PDZD2: variants seen among roughly 807,000 people sequenced by gnomAD.
PDZD2 encodes the protein PDZ domain-containing protein 2.
A neutral mutation model predicts 220.7 loss-of-function variants in PDZD2; 90 were observed. That is an observed-to-expected ratio of 0.41 (90% CI 0.34 to 0.49). PDZD2 has a LOEUF of 0.49. Ranked by LOEUF, PDZD2 falls within the 20% of genes least tolerant of loss-of-function variation. The pLI is 0.28. For missense variants in PDZD2, 3,174 were observed against 3,608.5 expected (o/e 0.88, Z 3.08); for synonymous variants, 1,375 against 1,450.5 (o/e 0.95, Z 1.18).
At chr5:31,967,379 C>T (rs552444558) in intron 2 of PDZD2, among the ~76,000 whole-genome samples, 5 of 152,264 alleles carry the variant, frequency 3.3e-5, no homozygotes, top group South Asian at 2.1e-4. Context: ...CTGCACTATG[C>T]GGGCTTGAGG....
intron 2 of PDZD2, among the ~76,000 whole-genome samples, chr5:31,811,046 C>A (rs932600805): frequency 6.6e-6 from 1 of 152,076 alleles, no homozygotes; most frequent in Admixed American, 6.6e-5. Flanking sequence ...CACAATGGCA[C>A]GATCTTGGTT....
At chr5:32,019,638 C>G (rs550154402) in intron 6 of PDZD2, among the ~76,000 whole-genome samples, 5 of 152,050 alleles carry the variant, frequency 3.3e-5, no homozygotes, top group Non-Finnish European at 7.3e-5. Context: ...GCTTCTCAGC[C>G]TAGAAAGACT....
At chr5:32,025,750 TC>T (rs1334511228) in intron 6 of PDZD2, among the ~76,000 whole-genome samples, 1 of 151,014 alleles carries the variant, frequency 6.6e-6, no homozygotes. Context: ...ACAGGTGCCC[TC>T]CACAATGCCC....
At chr5:31,835,213 G>A (rs569916907) in intron 2 of PDZD2, among the ~76,000 whole-genome samples, 4 of 152,278 alleles carry the variant, frequency 2.6e-5, no homozygotes, top group Middle Eastern at 3.4e-3. Context: ...CTGAAAGGTG[G>A]TCACTGATGT....
At position 31,844,626 on chromosome 5, in the gene PDZD2, A is replaced by T. The variant is rs550609918; in HGVS notation, c.476+44902A>T. Among the ~76,000 whole-genome samples, 12 of 152,302 alleles carry T rather than the reference A, an allele frequency of 7.9e-5. No homozygotes were observed. The South Asian group carries it at 2.5e-3, about 32-fold the overall frequency. ...TACTCATTTTTCATCTGTGATTCAA[A>T]TTTAACTGGGTCGCCTATATTTTAT... On this transcript the variant is annotated intron_variant, in intron 2 of 24. Coordinates refer to ENST00000438447, the MANE Select transcript of PDZD2 (RefSeq NM_178140.4).
Position 32,098,297 on chromosome 5 carries a change from T to C in PDZD2, c.7948-67T>C. The C allele has an allele frequency of 2.0e-6, 3 of 1,480,788 alleles. No homozygotes were observed. The Admixed American group carries it at 5.6e-5, about 28-fold the overall frequency. The allele number at this position is 1,480,788 out of a possible 1,614,324, so 91.7% of individuals were successfully genotyped here. ...TTACTACAGATACGCAGTTAGTTAC[T>C]ATCTCCCTTTTACCGGAAATCGTAA... On this transcript the variant is annotated intron_variant, in intron 22 of 24. Coordinates refer to ENST00000438447, the MANE Select transcript of PDZD2 (RefSeq NM_178140.4). The surrounding 1 kb of genome is among the most constrained non-coding windows in gnomAD (Gnocchi z 4.1).
intron 4 of PDZD2, among the ~76,000 whole-genome samples, chr5:31,997,725 A>G (rs1440353242): frequency 6.6e-6 from 1 of 151,898 alleles, no homozygotes; most frequent in African/African-American, 2.4e-5. Flanking sequence ...CTTAGCCTGG[A>G]GTTGTGTGTG....
Position 31,639,758 on chromosome 5 carries a change from T to C in PDZD2, c.-361+321T>C, listed in dbSNP as rs899722621. Among the ~76,000 whole-genome samples the C allele has an allele frequency of 6.6e-6, 1 of 152,054 alleles. No individual in the cohort carries two copies. Among genetic ancestry groups the C allele is most frequent in the Non-Finnish European group, 1.5e-5 (1 of 67,982 alleles). The stretch of plus-strand genomic sequence containing the variant: ...TCAAGACAGGGCCGGGACCTCCTGC[T>C]CGGGCGCGCATCCCGGGTCCCCATC... On this transcript the variant is annotated intron_variant, in intron 1 of 24. Transcript: ENST00000438447. The surrounding 1 kb of genome is among the most constrained non-coding windows in gnomAD (Gnocchi z 4.1).
Position 32,074,310 on chromosome 5 carries a change from G to T in PDZD2, c.3204G>T (p.Gly1068=). ...NLTDSAEAPK[G]SPGSWWKKEL... is the part of the protein sequence containing the mutation. ...CGGACTCTGCAGAGGCCCCCAAGGGGAGCCCTGGAAGCTGGTGGAAGAAGG... is the reference window on the plus strand; with the variant it reads ...CGGACTCTGCAGAGGCCCCCAAGGGTAGCCCTGGAAGCTGGTGGAAGAAGG... Residue 1068 remains glycine, a synonymous_variant, in exon 18 of 25, where the codon GGG becomes GGT. Transcript: ENST00000438447. 1.9e-6 allele frequency: 3 copies of T among 1,614,232 alleles called. No individual in the cohort carries two copies. The highest frequency in any genetic ancestry group is 2.5e-6 in the Non-Finnish European group (3 of 1,180,038).
Position 32,098,584 on chromosome 5 carries a change from A to G in PDZD2, c.8168A>G (p.Asn2723Ser). The stretch of plus-strand genomic sequence containing the variant: ...GCCCGGCAGGAGCCTCCCACAGCCA[A>G]TGGGAAGGGTTTGCTGTCCAGAAAG... ...PSARQEPPTANGKGLLSRKTI... is the reference protein window; with the variant it reads ...PSARQEPPTASGKGLLSRKTI... The change falls in exon 23 of 25, where the codon AAT becomes AGT. Residue 2723 changes from asparagine to serine, a missense_variant. Coordinates refer to ENST00000438447, the MANE Select transcript of PDZD2 (RefSeq NM_178140.4). The surrounding 1 kb of genome is among the most constrained non-coding windows in gnomAD (Gnocchi z 4.1). 6.2e-7 allele frequency: 1 copy of G among 1,614,120 alleles called. No homozygotes were observed. The highest frequency in any genetic ancestry group is 1.1e-5 in the South Asian group (1 of 91,068).
At chr5:31,995,479 T>C (rs1581234865) in intron 3 of PDZD2, 97 bp from the exon 4 acceptor site, 2 of 1,218,960 alleles carry the variant, frequency 1.6e-6, no homozygotes, top group African/African-American at 1.5e-5. Flanking sequence ...TGTGGACAAG[T>C]GATGGATATT....
chr5:31,806,931 GTTTTTTT>G (rs397882682), intron 2 of PDZD2, among the ~76,000 whole-genome samples: 1 of 127,540 alleles, frequency 7.8e-6, no homozygotes, highest in Non-Finnish European at 1.6e-5. Flanking sequence ...GGGCGTCTTT[GTTTTTTT>G]TTTTTTTTTT....
Position 31,815,783 on chromosome 5 carries a change from A to T in PDZD2, c.476+16059A>T, listed in dbSNP as rs79188473. On this transcript the variant is annotated intron_variant, in intron 2 of 24. Transcript: ENST00000438447. The stretch of plus-strand genomic sequence containing the variant: ...ATGAATGTATTAAATAATCACATGA[A>T]CCCTGAAAATTTTGTAAAAACTTAA... 5.8e-4 allele frequency among the ~76,000 whole-genome samples: 88 copies of T among 152,134 alleles called. 1 individual carries two copies. The East Asian group carries it at 0.011, about 19-fold the overall frequency.
At chr5:31,823,527 T>G (rs1756033577) in intron 2 of PDZD2, among the ~76,000 whole-genome samples, 1 of 151,858 alleles carries the variant, frequency 6.6e-6, no homozygotes. Context: ...GAAGTAACAC[T>G]CAGAAAAATA....
In PDZD2 at chr5:31,829,837, GAGGTCAGGAGTTCAACCTGGCCAACAT is replaced by G. The variant is rs1756456887; in HGVS notation, c.476+30114_476+30140del. ...GGAAGCCAAGGTGAGTGGATCACTT[GAGGTCAGGAGTTCAACCTGGCCAACAT>G]GGTGAAACCCTGTCTGTACTAAAAA... On this transcript the variant is annotated intron_variant, in intron 2 of 24. Transcript: ENST00000438447. Among the ~76,000 whole-genome samples, 3 of 152,006 alleles carry G rather than the reference GAGGTCAGGAGTTCAACCTGGCCAACAT, an allele frequency of 2.0e-5. No individual in the cohort carries two copies. The South Asian group carries it at 6.3e-4, about 32-fold the overall frequency.
At chr5:32,066,078 C>G (rs746546530) in intron 14 of PDZD2, among the ~76,000 whole-genome samples, 1 of 151,830 alleles carries the variant, frequency 6.6e-6, no homozygotes, top group Non-Finnish European at 1.5e-5. Context: ...CGCAGTAGCT[C>G]ACATGTGTAA....
chr5:31,802,813 G>C (rs1754472228), intron 2 of PDZD2, among the ~76,000 whole-genome samples: 1 of 151,612 alleles, frequency 6.6e-6, no homozygotes, highest in Non-Finnish European at 1.5e-5. Flanking sequence ...CCAGCTACTT[G>C]GGAGGCTGAG....
chr5:31,761,424 G>T (rs1388910970), intron 1 of PDZD2, among the ~76,000 whole-genome samples: 5 of 133,630 alleles, frequency 3.7e-5, no homozygotes, highest in Non-Finnish European at 7.8e-5. Flanking sequence ...AGGAAAAGGA[G>T]AAAGTTAAAA....
chr5:31,770,605 T>G (rs984518115), intron 1 of PDZD2, among the ~76,000 whole-genome samples: 2 of 152,088 alleles, frequency 1.3e-5, no homozygotes, highest in African/African-American at 4.8e-5. Flanking sequence ...ATTCCGTTGG[T>G]CTTTAGGGTT....
Sources: allele counts gnomAD v4.1 joint callset (sites outside exome capture counted in the v4.1 genomes callset), GRCh38; gene constraint gnomAD v4.1.1; non-coding constraint Gnocchi (gnomAD v3.1); transcripts MANE v1.5; gene names NCBI Gene and HGNC (gene_info 2026-07-23, HGNC 2026-07-21).